SPIDR: variants seen among roughly 807,000 people sequenced by gnomAD.
SPIDR encodes scaffold protein involved in DNA repair.
SPIDR carries 93 observed loss-of-function variants against 104.6 expected under a neutral mutation model. The observed-to-expected ratio is 0.89, with a 90% CI of 0.75 to 1.06. SPIDR has a LOEUF of 1.06. Ranked by LOEUF, SPIDR falls within the 50% of genes least tolerant of loss-of-function variation. SPIDR has a pLI of 0.00. For missense variants in SPIDR, 1,154 were observed against 1,111.2 expected, an observed-to-expected ratio of 1.04 and a Z score of -0.55; for synonymous variants, 431 against 416.9, an observed-to-expected ratio of 1.03 and a Z score of -0.41.
At chr8:47,598,871 C>T (rs2061930228) in intron 9 of SPIDR, 75 bp from the exon 10 acceptor site, 1 of 1,571,178 alleles carries the variant, frequency 6.4e-7, no homozygotes. Flanking sequence ...ATTTGGTGTG[C>T]AGCATGTTGC....
intron 8 of SPIDR, among the ~76,000 whole-genome samples, chr8:47,530,011 CATT>C (rs1173703566): frequency 4.6e-5 from 7 of 152,250 alleles, no homozygotes; most frequent in African/African-American, 1.4e-4. Flanking sequence ...GTGATTTCAT[CATT>C]ATGCAGACAT....
chr8:47,529,646 T>G (rs942805607), intron 8 of SPIDR, among the ~76,000 whole-genome samples: 5 of 151,944 alleles, frequency 3.3e-5, no homozygotes, highest in African/African-American at 1.2e-4. Context: ...GAGATATACA[T>G]AAAGAAAGGA....
chr8:47,263,492 TA>T (rs1210339514), intron 1 of SPIDR, among the ~76,000 whole-genome samples: 1 of 152,192 alleles, frequency 6.6e-6, no homozygotes, highest in African/African-American at 2.4e-5. Context: ...TAATTTTTTT[TA>T]AATTTTTATT....
chr8:47,271,358 A>G (rs1268372249), intron 1 of SPIDR, among the ~76,000 whole-genome samples: 2 of 152,114 alleles, frequency 1.3e-5, no homozygotes, highest in African/African-American at 4.8e-5. Context: ...TGTGTGTCTG[A>G]TGGTGTCCCA....
chr8:47,623,243 A>G (rs1350045479), intron 10 of SPIDR, among the ~76,000 whole-genome samples: 1 of 152,212 alleles, frequency 6.6e-6, no homozygotes, highest in Non-Finnish European at 1.5e-5. Flanking sequence ...GAAGCACTAA[A>G]CATGGAAAGG....
chr8:47,486,627 G>T (rs1430995019), intron 8 of SPIDR, among the ~76,000 whole-genome samples: 1 of 152,232 alleles, frequency 6.6e-6, no homozygotes, highest in Admixed American at 6.5e-5. Flanking sequence ...ACAAAGGGAA[G>T]CCCATCAGAC....
In SPIDR at chr8:47,291,042, C is replaced by T. The variant is rs1375023308; in HGVS notation, c.266C>T (p.Thr89Ile). ...LCPRPKQETTTSKSTSGLTDI... is the reference protein window; with the variant it reads ...LCPRPKQETTISKSTSGLTDI... ...TCTTTTCCTTCAACAGAAACCACCA[C>T]ATCTAAAAGCACCAGTGGGCTTACA... Residue 89 changes from threonine to isoleucine, a missense_variant, in exon 4 of 20, where the codon ACA becomes ATA. By Grantham distance (89) the Thr-to-Ile change is moderately conservative (BLOSUM62 -1). Transcript: ENST00000297423. 1.9e-6 allele frequency: 3 copies of T among 1,609,188 alleles called. No homozygotes were observed. Among genetic ancestry groups the T allele is most frequent in the African/African-American group, 2.7e-5 (2 of 74,850 alleles).
intron 5 of SPIDR, among the ~76,000 whole-genome samples, chr8:47,303,442 A>C (rs1468661207): frequency 6.6e-6 from 1 of 152,072 alleles, no homozygotes; most frequent in African/African-American, 2.4e-5. Context: ...GGTGCACTGC[A>C]CCCAGTGTGC....
intron 10 of SPIDR, among the ~76,000 whole-genome samples, chr8:47,657,894 G>A (rs555706776): frequency 6.6e-5 from 10 of 151,652 alleles, no homozygotes; most frequent in Non-Finnish European, 1.2e-4. Flanking sequence ...AGCTGGACAC[G>A]GTAGCACAGG....
intron 5 of SPIDR, among the ~76,000 whole-genome samples, chr8:47,393,718 CT>C (rs1342633584): frequency 1.5e-4 from 16 of 103,578 alleles, no homozygotes; most frequent in South Asian, 2.9e-4. Flanking sequence ...CTTTCCTTTC[CT>C]TTCCTTTCCT....
chr8:47,360,903 C>G, intron 5 of SPIDR: 1 of 985,364 alleles, frequency 1.0e-6, no homozygotes, highest in Non-Finnish European at 1.2e-6. Context: ...TGTTTGTGTT[C>G]ATGGTAGGAT....
intron 16 of SPIDR, among the ~76,000 whole-genome samples, chr8:47,717,682 T>C (rs2082766478): frequency 6.6e-6 from 1 of 152,212 alleles, no homozygotes; most frequent in African/African-American, 2.4e-5. Context: ...TGGCAGCAGC[T>C]GGGAACACTG....
At position 47,488,494 on chromosome 8, in the gene SPIDR, T is replaced by A. The variant is rs1040288827; in HGVS notation, c.1097+47952T>A. Among the ~76,000 whole-genome samples, 3 of 152,324 alleles carry A rather than the reference T, an allele frequency of 2.0e-5. No individual in the cohort carries two copies. In the East Asian group the frequency reaches 5.8e-4, roughly 29 times the overall value. ...AGAAAAAGAGGGAATCCTCCTTAACTTATTTTATGAGACCAGTATCATCCT... is the reference window on the plus strand; with the variant it reads ...AGAAAAAGAGGGAATCCTCCTTAACATATTTTATGAGACCAGTATCATCCT... On this transcript the variant is annotated intron_variant, in intron 8 of 19. Transcript: ENST00000297423.
intron 5 of SPIDR, among the ~76,000 whole-genome samples, chr8:47,359,292 T>C (rs1389617867): frequency 6.6e-6 from 1 of 151,536 alleles, no homozygotes; most frequent in Non-Finnish European, 1.5e-5. Flanking sequence ...AAATTTTGTA[T>C]AGTGTTGTTT....
chr8:47,562,537 C>T (rs1480127483), intron 8 of SPIDR, among the ~76,000 whole-genome samples: 2 of 152,182 alleles, frequency 1.3e-5, no homozygotes, highest in East Asian at 1.9e-4. Flanking sequence ...ACACACAGGG[C>T]GCTCCACCTC....
chr8:47,732,415 GTGTA>G (rs2085409734), intron 19 of SPIDR: 5 of 564,056 alleles, frequency 8.9e-6, no homozygotes, highest in East Asian at 3.0e-5. Context: ...GCGTACATGT[GTGTA>G]TGTGTGTGCA....
At chr8:47,705,859 C>G (rs1250454091) in intron 14 of SPIDR, among the ~76,000 whole-genome samples, 2 of 151,774 alleles carry the variant, frequency 1.3e-5, no homozygotes, top group Non-Finnish European at 2.9e-5. Context: ...TGTGATTGCA[C>G]CACTCCACTC....
At chr8:47,460,207 G>A (rs1048764798) in intron 8 of SPIDR, among the ~76,000 whole-genome samples, 2 of 152,114 alleles carry the variant, frequency 1.3e-5, no homozygotes, top group Non-Finnish European at 2.9e-5. Context: ...CTGTCTTGAT[G>A]ACCTGTCTAG....
chr8:47,366,230 G>A (rs1388674097), intron 5 of SPIDR, among the ~76,000 whole-genome samples: 7 of 152,086 alleles, frequency 4.6e-5, no homozygotes, highest in Non-Finnish European at 2.9e-5. Flanking sequence ...AAGGTGAGGC[G>A]TCCCAGGGAC....
Sources: gnomAD v4.1 joint callset for allele counts (sites outside exome capture counted in the v4.1 genomes callset) on GRCh38, gnomAD v4.1.1 for gene constraint, MANE v1.5 for transcripts, NCBI Gene and HGNC (gene_info 2026-07-23, HGNC 2026-07-21) for gene names.